CDH4: variants seen among roughly 807,000 people sequenced by gnomAD.
CDH4 encodes cadherin-4.
In CDH4, 33 loss-of-function variants were observed where a neutral mutation model predicts 86.0. The ratio of observed to expected loss-of-function variants is 0.38; its 90% CI spans 0.29 to 0.51. The LOEUF is 0.51. Among genes scored for constraint, CDH4 ranks in the 20% least tolerant of loss-of-function variants. The probability of loss-of-function intolerance (pLI) is 0.86; values close to 1 mark genes in which losing one functional copy is unlikely to be tolerated. For missense variants in CDH4, 1,114 were observed against 1,307.4 expected (o/e 0.85, Z 2.28); for synonymous variants, 555 against 549.4 (o/e 1.01, Z -0.14).
At chr20:61,537,694 A>G (rs779806660) in intron 2 of CDH4, among the ~76,000 whole-genome samples, 5 of 152,022 alleles carry the variant, frequency 3.3e-5, no homozygotes, top group African/African-American at 4.8e-5. Context: ...TTTTTAAGCC[A>G]TTCTCCTCCC....
intron 2 of CDH4, among the ~76,000 whole-genome samples, chr20:61,699,943 C>T (rs1242441848): frequency 1.3e-5 from 2 of 152,196 alleles, no homozygotes; most frequent in Non-Finnish European, 2.9e-5. Context: ...TTGGGGGGCC[C>T]CATGTCAAGC....
At chr20:61,264,156 CAG>C (rs1400985449) in intron 2 of CDH4, among the ~76,000 whole-genome samples, 2 of 152,146 alleles carry the variant, frequency 1.3e-5, no homozygotes, top group Non-Finnish European at 2.9e-5. Context: ...TGTCTGACGA[CAG>C]AGCAATCCTA....
intron 2 of CDH4, chr20:61,434,487 G>A (rs911207327): frequency 2.0e-5 from 3 of 152,156 alleles, no homozygotes; most frequent in Admixed American, 6.5e-5. Flanking sequence ...AAACCAGATC[G>A]GGTTGCATTA....
intron 2 of CDH4, among the ~76,000 whole-genome samples, chr20:61,324,940 C>T (rs898615797): frequency 6.6e-6 from 1 of 152,160 alleles, no homozygotes; most frequent in Non-Finnish European, 1.5e-5. Flanking sequence ...GAGACCACAT[C>T]GAGCCTGTTT....
At chr20:61,697,765 A>G (rs1035319230) in intron 2 of CDH4, among the ~76,000 whole-genome samples, 1 of 152,032 alleles carries the variant, frequency 6.6e-6, no homozygotes, top group Non-Finnish European at 1.5e-5. Context: ...AGGGGTGTCC[A>G]TCTCCGGATC....
At position 61,751,830 on chromosome 20, in the gene CDH4, G is replaced by A. The variant is rs138472478; in HGVS notation, c.396+8041G>A. Among the ~76,000 whole-genome samples, 568 of 152,238 alleles carry A rather than the reference G, an allele frequency of 3.7e-3. 1 individual carries two copies. Among genetic ancestry groups the A allele is most frequent in the African/African-American group, 0.013 (533 of 41,524 alleles). On this transcript the variant is annotated intron_variant, in intron 3 of 15. Coordinates refer to ENST00000614565, the MANE Select transcript of CDH4 (RefSeq NM_001794.5). ...GACTGTCTTTTCAATAAATGATGCT[G>A]GGCCAATGGGGCATCTTTAAGAAAA...
intron 6 of CDH4, among the ~76,000 whole-genome samples, chr20:61,864,678 C>T (rs953270876): frequency 1.4e-4 from 22 of 152,196 alleles, no homozygotes; most frequent in African/African-American, 4.3e-4. Context: ...CTTGCCAGCG[C>T]GGACGGCGCC....
chr20:61,926,264 G>A (rs1409698388), intron 11 of CDH4, among the ~76,000 whole-genome samples: 1 of 152,250 alleles, frequency 6.6e-6, no homozygotes, highest in African/African-American at 2.4e-5. Flanking sequence ...CACAGAGTTA[G>A]GAAACGGTGT....
chr20:61,548,698 G>T (rs6142796), intron 2 of CDH4, among the ~76,000 whole-genome samples: 1 of 152,048 alleles, frequency 6.6e-6, no homozygotes, highest in South Asian at 2.1e-4. Flanking sequence ...TGAGAAATTA[G>T]GAGTGTCTGA....
Position 61,399,165 on chromosome 20 carries a change from G to A in CDH4, c.169+144228G>A, listed in dbSNP as rs1408403748. ...TTTTGAGACGGAGTCTCACTCTGTC[G>A]CCCAGGCCGGACTGCGGACTGCAGT... is the stretch of plus-strand genomic sequence containing the variant. On this transcript the variant is annotated intron_variant, in intron 2 of 15. Transcript: ENST00000614565. Among the ~76,000 whole-genome samples, 2 of 94,302 alleles carry A rather than the reference G, an allele frequency of 2.1e-5. 1 individual carries two copies. Among genetic ancestry groups the A allele is most frequent in the Non-Finnish European group, 3.9e-5 (2 of 51,364 alleles). The allele number at this position is 94,302 out of a possible 152,430, so 61.9% of individuals were successfully genotyped here. A position where few individuals can be genotyped will look rare whatever the true frequency, so the allele number is the denominator to read the frequency against.
intron 13 of CDH4, 115 bp from the exon 14 acceptor site, chr20:61,932,870 A>G: frequency 1.5e-6 from 2 of 1,369,902 alleles, no homozygotes; most frequent in Non-Finnish European, 2.0e-6. Context: ...ACATGGGCAC[A>G]GTCATGCTTG....
intron 2 of CDH4, among the ~76,000 whole-genome samples, chr20:61,637,486 T>TC (rs1407629370): frequency 6.6e-6 from 1 of 152,214 alleles, no homozygotes; most frequent in Non-Finnish European, 1.5e-5. Flanking sequence ...AAGCTGCAGC[T>TC]CTTTCTCACC....
chr20:61,853,033 A>G (rs968748873), intron 6 of CDH4, 135 bp downstream of exon 6: 2 of 897,974 alleles, frequency 2.2e-6, no homozygotes, highest in Non-Finnish European at 3.4e-6. Context: ...GACACACAGC[A>G]TGCAGCAGAC....
chr20:61,805,487 G>A (rs73917519), intron 4 of CDH4, among the ~76,000 whole-genome samples: 1,590 of 152,278 alleles, frequency 0.01, 26 homozygotes, highest in African/African-American at 0.036. Context: ...CAACCTTTCC[G>A]GGATCCAGAG....
intron 3 of CDH4, among the ~76,000 whole-genome samples, chr20:61,772,256 A>G (rs2088783483): frequency 6.6e-6 from 1 of 152,156 alleles, no homozygotes; most frequent in Admixed American, 6.5e-5. Context: ...GCCAAATCCC[A>G]CACCCTCAGC....
At chr20:61,526,171 T>TC (rs563658628) in intron 2 of CDH4, among the ~76,000 whole-genome samples, 1 of 149,406 alleles carries the variant, frequency 6.7e-6, no homozygotes, top group Non-Finnish European at 1.5e-5. Context: ...CTGGTGCCCC[T>TC]CCCCCTCCCC....
At chr20:61,762,377 C>A (rs2088644736) in intron 3 of CDH4, among the ~76,000 whole-genome samples, 1 of 152,216 alleles carries the variant, frequency 6.6e-6, no homozygotes. Context: ...CTCATTCACA[C>A]CAAAAACCAT....
At position 61,717,855 on chromosome 20, in the gene CDH4, C is replaced by T. The variant is rs774783725; in HGVS notation, c.170-25708C>T. On this transcript the variant is annotated intron_variant, in intron 2 of 15. Transcript: ENST00000614565. ...CCAGCCCCCAGTGTGCTCAGGTAGC[C>T]GTGAACCAGGTGTTGGGCTAGTTTA... 129 of 152,554 alleles carry T rather than the reference C, an allele frequency of 8.5e-4. 2 individuals are homozygous for T. Among genetic ancestry groups the T allele is most frequent in the Admixed American group, 2.2e-3 (33 of 15,320 alleles). The allele number at this position is 152,554 out of a possible 1,614,324, so 9.5% of individuals were successfully genotyped here. A position where few individuals can be genotyped will look rare whatever the true frequency, so the allele number is the denominator to read the frequency against.
intron 2 of CDH4, among the ~76,000 whole-genome samples, chr20:61,493,563 G>A (rs2085639788): frequency 6.6e-6 from 1 of 152,220 alleles, no homozygotes; most frequent in Non-Finnish European, 1.5e-5. Context: ...GCTGGTGGCT[G>A]CCAGTGAGAT....
Sources: gnomAD v4.1 joint callset for allele counts (sites outside exome capture counted in the v4.1 genomes callset) on GRCh38, gnomAD v4.1.1 for gene constraint, MANE v1.5 for transcripts, NCBI Gene and HGNC (gene_info 2026-07-23, HGNC 2026-07-21) for gene names.